MGST1: variants seen among roughly 807,000 people sequenced by gnomAD.
MGST1 encodes glutathione S-transferase 12.
In MGST1, 5 loss-of-function variants were observed where a neutral mutation model predicts 8.9. That is an observed-to-expected ratio of 0.56 (90% CI 0.29 to 1.19). The LOEUF (loss-of-function observed/expected upper bound fraction) is 1.19. Ranked by LOEUF, MGST1 falls within the 50% of genes most tolerant of loss-of-function variation. MGST1 has a pLI of 0.08. For synonymous variants in MGST1, 54 were observed against 67.8 expected, an observed-to-expected ratio of 0.80 and a Z score of 1.00; for missense variants, 182 against 187.4, an observed-to-expected ratio of 0.97 and a Z score of 0.17.
intron 4 of MGST1, among the ~76,000 whole-genome samples, chr12:16,472,663 T>C (rs1181958046): frequency 6.6e-6 from 1 of 152,220 alleles, no homozygotes; most frequent in African/African-American, 2.4e-5. Flanking sequence ...AGTATTTGTT[T>C]TTATGTATAT....
intron 3 of MGST1, among the ~76,000 whole-genome samples, chr12:16,373,037 C>G (rs990891585): frequency 1.5e-5 from 2 of 129,454 alleles, no homozygotes; most frequent in Non-Finnish European, 3.4e-5. Flanking sequence ...CTATGTGTTA[C>G]ATAATGGAAT....
At chr12:16,549,348 T>G (rs1024984628) in intron 4 of MGST1, 1 of 152,356 alleles carries the variant, frequency 6.6e-6, no homozygotes, top group Non-Finnish European at 1.5e-5. Context: ...AACATGGAAC[T>G]TGAAGACTCC....
At chr12:16,550,394 A>G (rs1031036869) in intron 4 of MGST1, 2 of 152,462 alleles carry the variant, frequency 1.3e-5, no homozygotes, top group East Asian at 1.9e-4. Context: ...ACTAGTTCAC[A>G]TAAGGGGTGT....
chr12:16,518,532 A>C (rs1312293321), intron 4 of MGST1, among the ~76,000 whole-genome samples: 2 of 152,200 alleles, frequency 1.3e-5, no homozygotes, highest in Non-Finnish European at 2.9e-5. Flanking sequence ...TTCCTCACTA[A>C]AAATATTTAT....
chr12:16,371,196 G>C (rs1940286943), intron 3 of MGST1, among the ~76,000 whole-genome samples: 2 of 152,046 alleles, frequency 1.3e-5, no homozygotes, highest in South Asian at 2.1e-4. Context: ...GGGTTCCTTG[G>C]TCTAATCATT....
intron 1 of MGST1, among the ~76,000 whole-genome samples, chr12:16,415,628 A>C (rs1365492122): frequency 6.6e-6 from 1 of 152,218 alleles, no homozygotes; most frequent in African/African-American, 2.4e-5. Context: ...AATTCATCTT[A>C]AGAATACAGT....
chr12:16,491,576 C>T lies in MGST1; in HGVS notation n.483-97952C>T, dbSNP rs560052255. Among the ~76,000 whole-genome samples, 23 of 151,478 alleles carry T rather than the reference C, an allele frequency of 1.5e-4. No homozygotes were observed. In the South Asian group the frequency reaches 4.7e-3, roughly 31 times the overall value. On this transcript the variant is annotated intron_variant and non_coding_transcript_variant, in intron 4 of 4. Transcript: ENST00000538857. ...ATGAGAGGATAGGAGAATATGTTCT[C>T]TTTTGCCTGTTAGCTTGAAAAGGCA...
At chr12:16,425,154 A>T (rs1940874676) in intron 1 of MGST1, among the ~76,000 whole-genome samples, 1 of 152,156 alleles carries the variant, frequency 6.6e-6, no homozygotes, top group African/African-American at 2.4e-5. Flanking sequence ...CTTTGAGTTA[A>T]GTTTAGTTTG....
chr12:16,429,540 A>G (rs897305619), intron 1 of MGST1, among the ~76,000 whole-genome samples: 1 of 152,106 alleles, frequency 6.6e-6, no homozygotes, highest in Non-Finnish European at 1.5e-5. Flanking sequence ...AGGTATGCTA[A>G]CTAAAGAAAG....
chr12:16,401,931 A>G lies in MGST1; in HGVS notation n.778+18327A>G. 1.9e-6 allele frequency: 3 copies of G among 1,609,838 alleles called. No individual in the cohort carries two copies. The African/African-American group carries it at 4.0e-5, about 21-fold the overall frequency. ...GACTGTATATGCCACAACTGCACTG[A>G]TATCTATTTTGTCAAAGCCTTCTTT... is the stretch of plus-strand genomic sequence containing the variant. On this transcript the variant is annotated intron_variant and non_coding_transcript_variant, in intron 1 of 1. Coordinates refer to the MGST1 transcript ENST00000359720. This position sits in a 1 kb window ranked among gnomAD's most constrained non-coding sequence, Gnocchi z 4.3.
chr12:16,538,515 C>T (rs1183866916), intron 4 of MGST1, among the ~76,000 whole-genome samples: 1 of 152,056 alleles, frequency 6.6e-6, no homozygotes. Context: ...TAAACACATA[C>T]CTGAGACTAG....
chr12:16,355,204 C>CTTT (rs5796668), intron 2 of MGST1, among the ~76,000 whole-genome samples: 12 of 125,196 alleles, frequency 9.6e-5, no homozygotes, highest in African/African-American at 1.8e-4. Context: ...TTCCTTGTTA[C>CTTT]TTTTTTTTTT....
intron 4 of MGST1, among the ~76,000 whole-genome samples, chr12:16,444,186 T>G (rs891097928): frequency 3.3e-5 from 5 of 150,208 alleles, no homozygotes; most frequent in Non-Finnish European, 7.4e-5. Context: ...TGATTTGGTT[T>G]TTTTTTTTTT....
In MGST1 at chr12:16,509,946, T is replaced by C. The variant is rs201343254; in HGVS notation, n.483-79582T>C. Among the ~76,000 whole-genome samples the C allele has an allele frequency of 8.5e-5, 13 of 152,356 alleles. No homozygotes were observed. The East Asian group carries it at 2.1e-3, about 25-fold the overall frequency. ...CGCCTAGACTTCAGACAAGCTAATA[T>C]AGCTCTCTTGATCCTTGATTTCCTC... On this transcript the variant is annotated intron_variant and non_coding_transcript_variant, in intron 4 of 4. Coordinates refer to the MGST1 transcript ENST00000538857.
chr12:16,374,887 T>C lies in MGST1; in HGVS notation c.222-1235T>C, dbSNP rs150448864. On this transcript the variant is annotated intron_variant, in intron 3 of 3. Transcript: ENST00000535309. ...TGCTTATGTTTTATTTAATTTAGTA[T>C]TGGTTTGTTTTAGAGACAAGTCTCA... Among the ~76,000 whole-genome samples, 673 of 152,280 alleles carry C rather than the reference T, an allele frequency of 4.4e-3. 7 individuals carry two copies. Among genetic ancestry groups the C allele is most frequent in the African/African-American group, 0.016 (651 of 41,566 alleles).
At chr12:16,556,796 AT>A (rs1157332149) in intron 4 of MGST1, among the ~76,000 whole-genome samples, 1 of 152,170 alleles carries the variant, frequency 6.6e-6, no homozygotes, top group African/African-American at 2.4e-5. Context: ...ACTGATGAAG[AT>A]TAGCTGACTT....
Position 16,503,659 on chromosome 12 carries a change from G to A in MGST1, n.483-85869G>A, listed in dbSNP as rs181162658. Among the ~76,000 whole-genome samples the A allele has an allele frequency of 3.2e-4, 48 of 152,296 alleles. 1 individual carries two copies. The highest frequency in any genetic ancestry group is 3.0e-3 in the Admixed American group (46 of 15,308). ...ACCGAAAGGAGGGCTAGTTGAAATA[G>A]GGATAGGGTGGCAGCAGCTTTCCAT... On this transcript the variant is annotated intron_variant and non_coding_transcript_variant, in intron 4 of 4. Transcript: ENST00000538857. This position sits in a 1 kb window ranked among gnomAD's most constrained non-coding sequence, Gnocchi z 4.8.
At chr12:16,384,054 A>G (rs768722782) in intron 1 of MGST1, among the ~76,000 whole-genome samples, 1 of 152,144 alleles carries the variant, frequency 6.6e-6, no homozygotes, top group Non-Finnish European at 1.5e-5. Context: ...TTCTTCATTG[A>G]AAAGGGACAA....
Position 16,471,394 on chromosome 12 carries a change from T to C in MGST1, n.482+87790T>C, listed in dbSNP as rs538485452. On this transcript the variant is annotated intron_variant and non_coding_transcript_variant, in intron 4 of 4. Transcript: ENST00000538857. The stretch of plus-strand genomic sequence containing the variant: ...ATTAGAATTGAATCACCCCCACCTG[T>C]TTATATTATTAATAATTTTATCAAT... Among the ~76,000 whole-genome samples the C allele has an allele frequency of 7.9e-5, 12 of 152,312 alleles. No homozygotes were observed. The East Asian group carries it at 1.7e-3, about 22-fold the overall frequency.
Sources: allele counts gnomAD v4.1 joint callset (sites outside exome capture counted in the v4.1 genomes callset), GRCh38; gene constraint gnomAD v4.1.1; non-coding constraint Gnocchi (gnomAD v3.1); transcripts MANE v1.5; gene names NCBI Gene and HGNC (gene_info 2026-07-23, HGNC 2026-07-21).